PRR11: variants seen among roughly 807,000 people sequenced by gnomAD.
The protein encoded by PRR11 is proline rich 11, also known as proline-rich protein 11.
Under a neutral mutation model 45.6 loss-of-function variants are expected in PRR11, and 30 were observed. That is an observed-to-expected ratio of 0.66 (90% CI 0.49 to 0.89). The LOEUF is 0.89. Ranked by LOEUF, PRR11 falls within the 40% of genes least tolerant of loss-of-function variation. The pLI is 0.00. For synonymous variants in PRR11, 128 were observed against 153.5 expected (o/e 0.83, Z 1.23); for missense variants, 373 against 424.8 (o/e 0.88, Z 1.07).
chr17:59,188,712 A>G (rs1705722884), intron 4 of PRR11, among the ~76,000 whole-genome samples: 1 of 151,846 alleles, frequency 6.6e-6, no homozygotes, highest in African/African-American at 2.4e-5. Flanking sequence ...GCCAAAGTGG[A>G]TGGATCACTT....
At chr17:59,156,406 T>TAA (rs919235783) in intron 1 of PRR11, among the ~76,000 whole-genome samples, 3 of 140,248 alleles carry the variant, frequency 2.1e-5, no homozygotes, top group Non-Finnish European at 3.1e-5. Flanking sequence ...CAGCAATGCT[T>TAA]AAAAAAAAAA....
chr17:59,194,915 T>G (rs1186463005), intron 6 of PRR11, 60 bp downstream of exon 6: 1 of 1,409,968 alleles, frequency 7.1e-7, no homozygotes, highest in Non-Finnish European at 9.9e-7. Context: ...GGCTCATGCC[T>G]ATAATCCCAG....
chr17:59,169,080 A>G (rs2046693500), intron 1 of PRR11, among the ~76,000 whole-genome samples: 1 of 151,574 alleles, frequency 6.6e-6, no homozygotes, highest in Admixed American at 6.6e-5. Context: ...TGCTGCTGGT[A>G]AAGAAACATA....
intron 2 of PRR11, among the ~76,000 whole-genome samples, chr17:59,173,700 G>T (rs2046725324): frequency 6.6e-6 from 1 of 152,164 alleles, no homozygotes. Context: ...CTTCATTTTT[G>T]AAGTCGGTGA....
chr17:59,181,668 C>G, intron 2 of PRR11: 1 of 1,537,878 alleles, frequency 6.5e-7, no homozygotes. Context: ...CCTCCGATGA[C>G]TCCTCAGATT....
chr17:59,179,109 C>G (rs1293123899), intron 2 of PRR11, among the ~76,000 whole-genome samples: 1 of 152,270 alleles, frequency 6.6e-6, no homozygotes, highest in Middle Eastern at 3.4e-3. Flanking sequence ...AAGCGATTCT[C>G]CTGTCTCAGT....
rs2046769336 is a variant in PRR11, at chr17:59,179,568, C to G, written c.129-5486C>G. The G allele has an allele frequency of 2.8e-6, 4 of 1,454,002 alleles. No homozygotes were observed. In the South Asian group the frequency reaches 4.7e-5, roughly 17 times the overall value. 90.1% of individuals were successfully genotyped at this position (1,454,002 alleles called of 1,614,324 possible). ...TCACCCACTGGGGGCATATTTTTCC[C>G]ATTGGAAAAGTGTGGTTATTGGAAG... On this transcript the variant is annotated intron_variant, in intron 2 of 9. Transcript: ENST00000262293.
chr17:59,165,511 G>A (rs62081935), intron 1 of PRR11, among the ~76,000 whole-genome samples: 36,239 of 151,610 alleles, frequency 0.24, 4,756 homozygotes, highest in African/African-American at 0.35. Flanking sequence ...AAAAAATCAG[G>A]GCTGGGTGCA....
chr17:59,175,133 G>A (rs2046736873), intron 2 of PRR11: 2 of 558,278 alleles, frequency 3.6e-6, no homozygotes, highest in Non-Finnish European at 6.3e-6. Flanking sequence ...GGTAGCTGGG[G>A]ACAGAAATCA....
intron 1 of PRR11, among the ~76,000 whole-genome samples, chr17:59,158,015 T>C (rs1273690829): frequency 1.3e-5 from 2 of 152,194 alleles, no homozygotes; most frequent in Non-Finnish European, 2.9e-5. Flanking sequence ...TTGAAAGGCA[T>C]GCTAAGGAAT....
At position 59,162,247 on chromosome 17, in the gene PRR11, C is replaced by G. The variant is rs201799582; in HGVS notation, c.-6+6442C>G. Among the ~76,000 whole-genome samples the G allele has an allele frequency of 2.4e-3, 337 of 141,280 alleles. 2 individuals are homozygous for G. Among genetic ancestry groups the G allele is most frequent in the African/African-American group, 9.4e-3 (321 of 34,280 alleles). 92.7% of individuals were successfully genotyped at this position (141,280 alleles called of 152,430 possible). On this transcript the variant is annotated intron_variant, in intron 1 of 9. Coordinates refer to ENST00000262293, the MANE Select transcript of PRR11 (RefSeq NM_018304.4). ...ACACACACACACACACACACACACA[C>G]ACAGAGAGAGAGAGAGAGAGAGAAA... is the stretch of plus-strand genomic sequence containing the variant.
chr17:59,183,982 G>A (rs1259625962), intron 2 of PRR11, among the ~76,000 whole-genome samples: 1 of 150,112 alleles, frequency 6.7e-6, no homozygotes, highest in African/African-American at 2.5e-5. Flanking sequence ...CTGGCACCTT[G>A]TTCCAACTAC....
intron 9 of PRR11, among the ~76,000 whole-genome samples, chr17:59,200,022 T>C (rs1009553161): frequency 2.0e-5 from 3 of 152,148 alleles, no homozygotes; most frequent in African/African-American, 7.2e-5. Flanking sequence ...CCCTACTTCA[T>C]AGCAGGTACA....
At chr17:59,168,122 C>T (rs1193663913) in intron 1 of PRR11, among the ~76,000 whole-genome samples, 3 of 151,692 alleles carry the variant, frequency 2.0e-5, no homozygotes, top group African/African-American at 4.9e-5. Flanking sequence ...CCTCTAGTAT[C>T]CTCTGTTCTA....
At chr17:59,177,008 T>C (rs1410497656) in intron 2 of PRR11, among the ~76,000 whole-genome samples, 1 of 152,142 alleles carries the variant, frequency 6.6e-6, no homozygotes, top group Non-Finnish European at 1.5e-5. Context: ...GAGTTTCTTT[T>C]TAGAAACAGC....
chr17:59,194,813 T>G lies in PRR11; in HGVS notation c.702T>G (p.Thr234=). 1 of 1,613,894 alleles carries G rather than the reference T, an allele frequency of 6.2e-7. No individual in the cohort carries two copies. Among genetic ancestry groups the G allele is most frequent in the Non-Finnish European group, 8.5e-7 (1 of 1,179,870 alleles). ...AGATAACAGTTAAAGATCTGCTGAC[T>G]GTAAAATTAAAGAAGACACAGAGTT... ...PMQITVKDLL[T]VKLKKTQSLD... The change falls in exon 6 of 10, where the codon ACT becomes ACG. Residue 234 remains threonine (T), a synonymous_variant. Coordinates refer to ENST00000262293, the MANE Select transcript of PRR11 (RefSeq NM_018304.4).
At chr17:59,173,359 G>A (rs755896729) in intron 2 of PRR11, among the ~76,000 whole-genome samples, 30 of 152,152 alleles carry the variant, frequency 2.0e-4, no homozygotes, top group Non-Finnish European at 3.5e-4. Context: ...CCACTTTCAC[G>A]CTGTGGAAGG....
At chr17:59,174,734 C>T (rs763387759) in intron 2 of PRR11, among the ~76,000 whole-genome samples, 3 of 152,184 alleles carry the variant, frequency 2.0e-5, no homozygotes, top group Non-Finnish European at 2.9e-5. Context: ...ACAGATGTAC[C>T]TTCCCTCAGG....
intron 4 of PRR11, among the ~76,000 whole-genome samples, chr17:59,191,076 G>A (rs2046838642): frequency 6.6e-6 from 1 of 152,158 alleles, no homozygotes; most frequent in African/African-American, 2.4e-5. Flanking sequence ...AGACACTGAT[G>A]AGAGACTAGA....
Sources: gnomAD v4.1 joint callset for allele counts (sites outside exome capture counted in the v4.1 genomes callset) on GRCh38, gnomAD v4.1.1 for gene constraint, MANE v1.5 for transcripts, NCBI Gene and HGNC (gene_info 2026-07-23, HGNC 2026-07-21) for gene names.